The following PAWR variants were observed in gnomAD, a reference collection of about 807,000 sequenced individuals.
PAWR encodes pro-apoptotic WT1 regulator.
Under a neutral mutation model 32.0 loss-of-function variants are expected in PAWR, and 23 were observed. The observed-to-expected ratio is 0.72, with a 90% CI of 0.52 to 1.02. PAWR has a LOEUF of 1.02. Ranked by LOEUF, PAWR falls within the 50% of genes least tolerant of loss-of-function variation. The pLI, the probability that PAWR is intolerant of heterozygous loss-of-function variation, is 0.00. For missense variants in PAWR, 457 were observed against 437.7 expected (o/e 1.04, Z -0.39); for synonymous variants, 226 against 187.1 (o/e 1.21, Z -1.70).
intron 2 of PAWR, among the ~76,000 whole-genome samples, chr12:79,672,039 T>G (rs1174878332): frequency 6.6e-6 from 1 of 152,196 alleles, no homozygotes; most frequent in East Asian, 1.9e-4. Flanking sequence ...TCATTTTGAT[T>G]GCTCTGCTTC....
At chr12:79,663,013 T>C (rs1877422062) in intron 2 of PAWR, among the ~76,000 whole-genome samples, 2 of 152,200 alleles carry the variant, frequency 1.3e-5, no homozygotes, top group African/African-American at 2.4e-5. Context: ...AGCCTAAAGA[T>C]AGGCAGTTCA....
At chr12:79,622,552 G>A (rs918962801) in intron 2 of PAWR, among the ~76,000 whole-genome samples, 1 of 152,108 alleles carries the variant, frequency 6.6e-6, no homozygotes, top group Non-Finnish European at 1.5e-5. Flanking sequence ...GTGAGAATAT[G>A]CAGTGATTGG....
chr12:79,600,232 C>A (rs1873906312), intron 4 of PAWR, among the ~76,000 whole-genome samples: 1 of 151,988 alleles, frequency 6.6e-6, no homozygotes, highest in African/African-American at 2.4e-5. Context: ...CTATCGCACT[C>A]AAAAAAGTGT....
At chr12:79,634,793 A>G (rs905714074) in intron 2 of PAWR, among the ~76,000 whole-genome samples, 2 of 152,074 alleles carry the variant, frequency 1.3e-5, no homozygotes, top group Admixed American at 1.3e-4. Flanking sequence ...AAGAGTGACT[A>G]TGGGTTGATG....
At chr12:79,638,556 T>A (rs1332650669) in intron 2 of PAWR, among the ~76,000 whole-genome samples, 1 of 151,964 alleles carries the variant, frequency 6.6e-6, no homozygotes, top group Non-Finnish European at 1.5e-5. Context: ...ACTTAACTAA[T>A]CTCATATTTA....
intron 2 of PAWR, among the ~76,000 whole-genome samples, chr12:79,636,382 TATATTA>T (rs1875962333): frequency 6.6e-6 from 1 of 152,088 alleles, no homozygotes. Flanking sequence ...AACTTTTACT[TATATTA>T]ATAACAACTC....
At chr12:79,668,517 T>C (rs1464317998) in intron 2 of PAWR, 2 of 152,218 alleles carry the variant, frequency 1.3e-5, no homozygotes, top group Non-Finnish European at 2.9e-5. Flanking sequence ...AATTTTTCCA[T>C]GGACCAGGGG....
At chr12:79,653,433 C>T (rs1030095260) in intron 2 of PAWR, among the ~76,000 whole-genome samples, 2 of 152,108 alleles carry the variant, frequency 1.3e-5, no homozygotes, top group Non-Finnish European at 2.9e-5. Flanking sequence ...TTTTAAATTG[C>T]TGCAATTTCA....
chr12:79,669,727 T>G (rs1300840054), intron 2 of PAWR, among the ~76,000 whole-genome samples: 2 of 152,128 alleles, frequency 1.3e-5, no homozygotes, highest in African/African-American at 4.8e-5. Context: ...ATTCTTTTTT[T>G]TTGTTTGTTG....
At chr12:79,641,149 G>A (rs1309262550) in intron 2 of PAWR, among the ~76,000 whole-genome samples, 1 of 152,038 alleles carries the variant, frequency 6.6e-6, no homozygotes, top group Non-Finnish European at 1.5e-5. Flanking sequence ...TATACAGAAA[G>A]GCAATTGGTA....
chr12:79,675,936 T>C (rs1374739451), intron 2 of PAWR, among the ~76,000 whole-genome samples: 2 of 151,852 alleles, frequency 1.3e-5, no homozygotes, highest in Non-Finnish European at 2.9e-5. Flanking sequence ...TTGCTCAGGC[T>C]AGTATTTAAA....
At chr12:79,657,199 T>C (rs988948110) in intron 2 of PAWR, among the ~76,000 whole-genome samples, 3 of 152,172 alleles carry the variant, frequency 2.0e-5, no homozygotes, top group African/African-American at 7.2e-5. Flanking sequence ...TCCATTTATA[T>C]AAAATTCTAG....
At chr12:79,593,587 G>A (rs181417299) in intron 6 of PAWR, among the ~76,000 whole-genome samples, 4 of 151,408 alleles carry the variant, frequency 2.6e-5, no homozygotes, top group African/African-American at 7.3e-5. Flanking sequence ...TTGAACCCGG[G>A]GGGTGGAGGT....
intron 2 of PAWR, among the ~76,000 whole-genome samples, chr12:79,658,972 TAAA>T (rs550704257): frequency 1.3e-4 from 11 of 86,614 alleles, no homozygotes; most frequent in Admixed American, 5.2e-4. Flanking sequence ...CTTAGCACAC[TAAA>T]AAAAAAAAAA....
intron 6 of PAWR, among the ~76,000 whole-genome samples, chr12:79,593,914 G>A (rs576270257): frequency 6.6e-6 from 1 of 151,588 alleles, no homozygotes; most frequent in Non-Finnish European, 1.5e-5. Flanking sequence ...ATGTTGGCCA[G>A]GCTGGTCTCG....
intron 5 of PAWR, 32 bp from the exon 6 acceptor site, chr12:79,594,465 G>T: frequency 9.9e-7 from 1 of 1,010,548 alleles, no homozygotes; most frequent in Non-Finnish European, 1.5e-6. Flanking sequence ...CAGTAATTAG[G>T]AAGTAATTGT....
At chr12:79,627,334 T>C (rs1380583169) in intron 2 of PAWR, among the ~76,000 whole-genome samples, 1 of 152,226 alleles carries the variant, frequency 6.6e-6, no homozygotes, top group African/African-American at 2.4e-5. Context: ...ATTTCTCTGA[T>C]GGCCAGTGAT....
intron 4 of PAWR, among the ~76,000 whole-genome samples, chr12:79,611,813 CAA>C (rs1874452891): frequency 6.6e-6 from 1 of 152,032 alleles, no homozygotes; most frequent in Non-Finnish European, 1.5e-5. Context: ...GTAATGGTCT[CAA>C]AAGTTTCACA....
intron 4 of PAWR, among the ~76,000 whole-genome samples, chr12:79,607,592 G>A (rs1874238905): frequency 6.6e-6 from 1 of 151,966 alleles, no homozygotes; most frequent in Admixed American, 6.6e-5. Context: ...AGCTGGGTGT[G>A]GTGGCACATG....
Sources: allele counts gnomAD v4.1 joint callset (sites outside exome capture counted in the v4.1 genomes callset), GRCh38; gene constraint gnomAD v4.1.1; transcripts MANE v1.5; gene names NCBI Gene and HGNC (gene_info 2026-07-23, HGNC 2026-07-21).